The following DNER variants were observed in gnomAD, a reference collection of about 807,000 sequenced individuals.
DNER encodes delta/notch like EGF repeat containing.
A neutral mutation model predicts 78.2 loss-of-function variants in DNER; 33 were observed. The observed-to-expected ratio is 0.42, with a 90% confidence interval of 0.32 to 0.56. DNER has a LOEUF of 0.56. Ranked by LOEUF, DNER falls within the 20% of genes least tolerant of loss-of-function variation. The pLI is 0.11. For synonymous variants in DNER, 417 were observed against 384.8 expected (o/e 1.08, Z -0.98); for missense variants, 918 against 975.3 (o/e 0.94, Z 0.78).
rs113696954 is a variant in DNER at position 229,365,326 on chromosome 2, G to A, written c.2102+1547C>T. Among the ~76,000 whole-genome samples, 906 of 152,246 alleles carry A rather than the reference G, an allele frequency of 6.0e-3. 6 individuals carry two copies. The highest frequency in any genetic ancestry group is 0.02 in the African/African-American group (839 of 41,536). On this transcript the variant is annotated intron_variant, in intron 12 of 12. Transcript: ENST00000341772. The stretch of plus-strand genomic sequence containing the variant: ...CCCAGGAAGGATGCTCAACCTCTAC[G>A]GGCCTGCCCAGGTCAGATAATAAAA...
intron 5 of DNER, among the ~76,000 whole-genome samples, chr2:229,537,015 C>A (rs1225545181): frequency 6.6e-6 from 1 of 152,140 alleles, no homozygotes; most frequent in South Asian, 2.1e-4. Context: ...TCTTCTAAGT[C>A]TCTCTGAAAG....
chr2:229,517,422 T>C (rs1696002090), intron 5 of DNER, among the ~76,000 whole-genome samples: 1 of 152,142 alleles, frequency 6.6e-6, no homozygotes, highest in Non-Finnish European at 1.5e-5. Context: ...AGAACACAAT[T>C]TAAAACCGGA....
Position 229,421,747 on chromosome 2 carries a change from G to A in DNER, c.1487-3517C>T, listed in dbSNP as rs77374769. On this transcript the variant is annotated intron_variant, in intron 8 of 12. Coordinates refer to ENST00000341772, the MANE Select transcript of DNER (RefSeq NM_139072.4). The stretch of plus-strand genomic sequence containing the variant: ...GTGTCTTTTGCTTCTCCTAATATGA[G>A]AAGCTTTTTGAGGTCATTGTGGAGT... Among the ~76,000 whole-genome samples, 367 of 151,848 alleles carry A rather than the reference G, an allele frequency of 2.4e-3. 3 individuals are homozygous for A. The highest frequency in any genetic ancestry group is 8.4e-3 in the African/African-American group (349 of 41,416).
intron 11 of DNER, among the ~76,000 whole-genome samples, chr2:229,373,938 G>C (rs1185264593): frequency 1.3e-5 from 2 of 152,166 alleles, no homozygotes; most frequent in African/African-American, 4.8e-5. Flanking sequence ...ACCGAAGTGG[G>C]TGGATAGCTT....
At chr2:229,526,763 T>G (rs555075558) in intron 5 of DNER, among the ~76,000 whole-genome samples, 16 of 152,192 alleles carry the variant, frequency 1.1e-4, no homozygotes, top group Non-Finnish European at 2.4e-4. Flanking sequence ...GGTACCAGTC[T>G]GTGGCCCAGA....
At chr2:229,519,921 C>G (rs1696061275) in intron 5 of DNER, among the ~76,000 whole-genome samples, 1 of 152,194 alleles carries the variant, frequency 6.6e-6, no homozygotes, top group Non-Finnish European at 1.5e-5. Context: ...TTCCTGTAAT[C>G]TGAGACTACT....
Position 229,486,769 on chromosome 2 carries a change from T to C in DNER, c.1148-9516A>G, listed in dbSNP as rs557652373. Among the ~76,000 whole-genome samples the C allele has an allele frequency of 2.6e-5, 4 of 152,344 alleles. No homozygotes were observed. In the South Asian group the frequency reaches 8.3e-4, roughly 32 times the overall value. ...ATATTTTTGGATCTCTCAGTTTTTA[T>C]ACAGGCAATTTAGAGCAGTGGTTCT... is the stretch of plus-strand genomic sequence containing the variant. On this transcript the variant is annotated intron_variant, in intron 6 of 12. Coordinates refer to ENST00000341772, the MANE Select transcript of DNER (RefSeq NM_139072.4).
intron 1 of DNER, among the ~76,000 whole-genome samples, chr2:229,684,057 C>A (rs1246247940): frequency 1.3e-5 from 2 of 150,166 alleles, no homozygotes; most frequent in Non-Finnish European, 3.0e-5. Context: ...GCAATGGTAA[C>A]CATTTTCCAG....
chr2:229,615,187 G>A (rs1362627017), intron 1 of DNER, among the ~76,000 whole-genome samples: 6 of 151,606 alleles, frequency 4.0e-5, no homozygotes, highest in South Asian at 4.2e-4. Context: ...CGAGGCAGGC[G>A]GATCGCCTGA....
intron 6 of DNER, among the ~76,000 whole-genome samples, chr2:229,490,158 T>C (rs780912775): frequency 6.6e-6 from 1 of 152,096 alleles, no homozygotes; most frequent in Non-Finnish European, 1.5e-5. Context: ...CAGAGAATCC[T>C]TGTGAACAAG....
At chr2:229,559,139 G>A (rs568971791) in intron 4 of DNER, among the ~76,000 whole-genome samples, 86 of 152,226 alleles carry the variant, frequency 5.6e-4, no homozygotes, top group Middle Eastern at 3.4e-3. Context: ...GATTTCCATC[G>A]TTAGTGTACT....
chr2:229,649,311 A>G (rs532815404), intron 1 of DNER, among the ~76,000 whole-genome samples: 1 of 152,352 alleles, frequency 6.6e-6, no homozygotes, highest in East Asian at 1.9e-4. Flanking sequence ...GGAAATTTTA[A>G]CTATACATTT....
At chr2:229,653,866 G>C (rs1335187356) in intron 1 of DNER, among the ~76,000 whole-genome samples, 2 of 152,116 alleles carry the variant, frequency 1.3e-5, no homozygotes, top group African/African-American at 4.8e-5. Flanking sequence ...CTTAGTACAG[G>C]CTAATGGTTG....
chr2:229,376,485 G>A (rs941605739), intron 11 of DNER, among the ~76,000 whole-genome samples: 12 of 152,144 alleles, frequency 7.9e-5, no homozygotes, highest in African/African-American at 2.4e-4. Context: ...TAAGACAGGT[G>A]CATATATAGA....
chr2:229,561,274 G>C (rs1424198349), intron 4 of DNER, among the ~76,000 whole-genome samples: 2 of 152,040 alleles, frequency 1.3e-5, no homozygotes, highest in African/African-American at 2.4e-5. Flanking sequence ...ATTATACCTA[G>C]CCAAATGACT....
rs116677907 is a variant in DNER, at chr2:229,529,196, C to A, written c.994-16260G>T. Reference sequence around the variant, plus strand: ...GATTCTAGATACCACAACATAATATCTTTTTTTTTTTAATCCCCAAATCTA... The same window carrying A: ...GATTCTAGATACCACAACATAATATATTTTTTTTTTTAATCCCCAAATCTA... On this transcript the variant is annotated intron_variant, in intron 5 of 12. Transcript: ENST00000341772. 9.8e-3 allele frequency among the ~76,000 whole-genome samples: 1,440 copies of A among 146,952 alleles called. 27 individuals are homozygous for A. The highest frequency in any genetic ancestry group is 0.033 in the African/African-American group (1,357 of 40,578).
intron 5 of DNER, among the ~76,000 whole-genome samples, chr2:229,515,837 T>TCAC (rs1695959914): frequency 6.6e-6 from 1 of 152,094 alleles, no homozygotes; most frequent in African/African-American, 2.4e-5. Flanking sequence ...AGACAGGGTT[T>TCAC]CACCGTGTTA....
rs577216647 is a variant in DNER, at chr2:229,484,974, G to A, written c.1148-7721C>T. Among the ~76,000 whole-genome samples the A allele has an allele frequency of 1.4e-3, 220 of 152,212 alleles. 1 individual carries two copies. Among genetic ancestry groups the A allele is most frequent in the Non-Finnish European group, 1.3e-3 (86 of 68,020 alleles). On this transcript the variant is annotated intron_variant, in intron 6 of 12. Transcript: ENST00000341772. ...TATAATCCCTAGCAAATTCAAAGCC[G>A]TTGTAAAATACATTGACCCAAAACC...
intron 9 of DNER, among the ~76,000 whole-genome samples, chr2:229,414,448 G>A (rs1048491759): frequency 3.3e-5 from 5 of 151,998 alleles, no homozygotes; most frequent in African/African-American, 1.2e-4. Flanking sequence ...CGTATTTTTA[G>A]TAGAGACGGG....
Sources: gnomAD v4.1 joint callset for allele counts (sites outside exome capture counted in the v4.1 genomes callset) on GRCh38, gnomAD v4.1.1 for gene constraint, MANE v1.5 for transcripts, NCBI Gene and HGNC (gene_info 2026-07-23, HGNC 2026-07-21) for gene names.